AGPAT5: variants seen among roughly 807,000 people sequenced by gnomAD.
The protein encoded by AGPAT5 is 1-acylglycerol-3-phosphate O-acyltransferase 5.
Under a neutral mutation model 45.6 loss-of-function variants are expected in AGPAT5, and 46 were observed. The observed-to-expected ratio is 1.01, with a 90% CI of 0.80 to 1.29. AGPAT5 has a LOEUF of 1.29. Ranked by LOEUF, AGPAT5 falls within the 50% of genes most tolerant of loss-of-function variation. The pLI is 0.00. For synonymous variants in AGPAT5, 272 were observed against 167.0 expected, an observed-to-expected ratio of 1.63 and a Z score of -4.85; for missense variants, 673 against 450.7, an observed-to-expected ratio of 1.49 and a Z score of -4.47.
chr8:6,745,491 T>G (rs1482322841), intron 5 of AGPAT5, among the ~76,000 whole-genome samples: 1 of 152,254 alleles, frequency 6.6e-6, no homozygotes, highest in East Asian at 1.9e-4. Flanking sequence ...TCAGTTGTCA[T>G]ATTTGTTAAC....
At position 6,759,300 on chromosome 8, in the gene AGPAT5, A is replaced by G. The variant is rs1801953242; in HGVS notation, c.*1912A>G. 6.6e-6 allele frequency: 1 copy of G among 152,250 alleles called. No homozygotes were observed. Among genetic ancestry groups the G allele is most frequent in the Admixed American group, 6.5e-5 (1 of 15,284 alleles). The allele number at this position is 152,250 out of a possible 1,614,324, so 9.4% of individuals were successfully genotyped here. A position where few individuals can be genotyped will look rare whatever the true frequency, so the allele number is the denominator to read the frequency against. The stretch of plus-strand genomic sequence containing the variant: ...GGATTCTAACTCATTTTAACAAGGT[A>G]GCCTGACCTGCATAAGATCACTTGA... On this transcript the variant is annotated 3_prime_UTR_variant, in exon 8 of 8. Coordinates refer to ENST00000285518, the MANE Select transcript of AGPAT5 (RefSeq NM_018361.5).
intron 1 of AGPAT5, among the ~76,000 whole-genome samples, chr8:6,720,366 G>A (rs918134903): frequency 2.6e-5 from 4 of 152,186 alleles, no homozygotes; most frequent in African/African-American, 9.7e-5. Context: ...ATTTTTAAAG[G>A]TAATGAAAAC....
rs768226942 is a variant in AGPAT5 at position 6,755,188 on chromosome 8, G to A, written c.869+14G>A. ...AATCAAAGATAAGTGAGTAACAACAGTTCCAGCACTTCCGGAACTTCGGTT... is the reference window on the plus strand; with the variant it reads ...AATCAAAGATAAGTGAGTAACAACAATTCCAGCACTTCCGGAACTTCGGTT... On this transcript the variant is annotated intron_variant, in intron 7 of 7. Coordinates refer to ENST00000285518, the MANE Select transcript of AGPAT5 (RefSeq NM_018361.5). 6.3e-7 allele frequency: 1 copy of A among 1,588,572 alleles called. No individual in the cohort carries two copies. The highest frequency in any genetic ancestry group is 8.5e-7 in the Non-Finnish European group (1 of 1,174,750).
intron 2 of AGPAT5, among the ~76,000 whole-genome samples, chr8:6,726,649 A>C (rs896800879): frequency 2.0e-5 from 3 of 152,212 alleles, no homozygotes; most frequent in Non-Finnish European, 4.4e-5. Flanking sequence ...ATTAAAAAAA[A>C]CAATTCTGCA....
chr8:6,729,542 G>C (rs1800794639), intron 2 of AGPAT5, among the ~76,000 whole-genome samples: 1 of 152,074 alleles, frequency 6.6e-6, no homozygotes, highest in Non-Finnish European at 1.5e-5. Context: ...TTCTCATCAG[G>C]AGATAGTTTG....
intron 5 of AGPAT5, among the ~76,000 whole-genome samples, chr8:6,744,627 T>C (rs1196763630): frequency 6.6e-6 from 1 of 152,176 alleles, no homozygotes; most frequent in Non-Finnish European, 1.5e-5. Context: ...AGTGCTCTGC[T>C]TTTACCACCT....
intron 4 of AGPAT5, among the ~76,000 whole-genome samples, chr8:6,741,149 G>T (rs1386400221): frequency 6.6e-6 from 1 of 152,114 alleles, no homozygotes; most frequent in Non-Finnish European, 1.5e-5. Flanking sequence ...TAAAGGAGCT[G>T]TGTGAAATAG....
intron 2 of AGPAT5, among the ~76,000 whole-genome samples, chr8:6,729,118 C>G (rs566304547): frequency 5.3e-5 from 8 of 152,214 alleles, no homozygotes; most frequent in African/African-American, 1.9e-4. Flanking sequence ...ATGATAATCC[C>G]TGATTAAAAA....
chr8:6,726,796 C>T (rs1800702699), intron 2 of AGPAT5, among the ~76,000 whole-genome samples: 1 of 152,164 alleles, frequency 6.6e-6, no homozygotes, highest in Non-Finnish European at 1.5e-5. Flanking sequence ...GACTTTGTAT[C>T]ACCGCTCTGG....
chr8:6,730,871 ATTT>A (rs59149072), intron 3 of AGPAT5, 45 bp downstream of exon 3: 811 of 933,686 alleles, frequency 8.7e-4, no homozygotes, highest in South Asian at 1.3e-3. Context: ...TAGTTTATAA[ATTT>A]TTTTTTTTTT....
At position 6,708,773 on chromosome 8, in the gene AGPAT5, G is replaced by C; in HGVS notation, c.105G>C (p.Trp35Cys). 2 of 1,608,826 alleles carry C rather than the reference G, an allele frequency of 1.2e-6. No individual in the cohort carries two copies. The highest frequency in any genetic ancestry group is 2.2e-5 in the South Asian group (2 of 90,882). Reference protein sequence around the residue: ...APTYVLAWGVWRLLSAFLPAR... With the variant: ...APTYVLAWGVCRLLSAFLPAR... ...CCTACGTGTTGGCCTGGGGGGTCTG[G>C]CGGCTGCTCTCCGCCTTCCTGCCCG... The change falls in exon 1 of 8, where the codon TGG becomes TGC. Residue 35 changes from tryptophan to cysteine, a missense_variant. Trp to Cys is a radical substitution (Grantham distance 215). Coordinates refer to ENST00000285518, the MANE Select transcript of AGPAT5 (RefSeq NM_018361.5).
At chr8:6,725,343 C>G (rs1800650544) in intron 2 of AGPAT5, among the ~76,000 whole-genome samples, 4 of 152,296 alleles carry the variant, frequency 2.6e-5, no homozygotes, top group Middle Eastern at 6.8e-3. Context: ...GTACTCGTTT[C>G]CTTACTATGC....
At chr8:6,749,073 G>C (rs550635627) in intron 6 of AGPAT5, among the ~76,000 whole-genome samples, 20 of 152,340 alleles carry the variant, frequency 1.3e-4, no homozygotes, top group Non-Finnish European at 2.4e-4. Context: ...GTAGTACTGT[G>C]CACCGTTACA....
chr8:6,734,230 C>G (rs1015550798), intron 4 of AGPAT5, among the ~76,000 whole-genome samples: 1 of 151,100 alleles, frequency 6.6e-6, no homozygotes, highest in African/African-American at 2.4e-5. Context: ...TTCTTTAGTT[C>G]TTAGATGCAT....
chr8:6,727,192 G>A (rs549541753), intron 2 of AGPAT5, among the ~76,000 whole-genome samples: 1 of 152,288 alleles, frequency 6.6e-6, no homozygotes, highest in Non-Finnish European at 1.5e-5. Flanking sequence ...CGGAATAAAT[G>A]AGTTTCCTGG....
At chr8:6,751,544 A>G (rs1285360676) in intron 6 of AGPAT5, among the ~76,000 whole-genome samples, 10 of 152,164 alleles carry the variant, frequency 6.6e-5, no homozygotes, top group Middle Eastern at 3.2e-3. Flanking sequence ...TGTTGAGGAG[A>G]GGCAGCCAGT....
chr8:6,747,678 G>A lies in AGPAT5; in HGVS notation c.595G>A (p.Val199Ile), dbSNP rs755867134. 1 of 1,613,614 alleles carries A rather than the reference G, an allele frequency of 6.2e-7. No homozygotes were observed. The highest frequency in any genetic ancestry group is 8.5e-7 in the Non-Finnish European group (1 of 1,179,698). ...QAFAAQRGLA[V>I]LKHVLTPRIK... ...ACTGAATTGACTTCTAGGCCTTGCA[G>A]TATTAAAACATGTGCTAACACCACG... The change falls in exon 6 of 8, where the codon GTA becomes ATA. Residue 199 changes from valine to isoleucine, a missense_variant. Transcript: ENST00000285518.
chr8:6,729,998 C>T (rs926537691), intron 2 of AGPAT5, among the ~76,000 whole-genome samples: 8 of 152,090 alleles, frequency 5.3e-5, no homozygotes, highest in Non-Finnish European at 1.0e-4. Context: ...GATGAAGTGT[C>T]CTTGCCTTTT....
intron 6 of AGPAT5, among the ~76,000 whole-genome samples, chr8:6,752,781 A>T (rs1000042414): frequency 3.9e-5 from 6 of 152,246 alleles, no homozygotes; most frequent in Admixed American, 3.9e-4. Flanking sequence ...CAACTAAGAT[A>T]GTTTTTGCAA....
Sources: gnomAD v4.1 joint callset for allele counts (sites outside exome capture counted in the v4.1 genomes callset) on GRCh38, gnomAD v4.1.1 for gene constraint, MANE v1.5 for transcripts, NCBI Gene and HGNC (gene_info 2026-07-23, HGNC 2026-07-21) for gene names.